Variants in DLG2 observed in about 807,000 individuals in gnomAD.
DLG2 encodes the protein disks large homolog 2.
A neutral mutation model predicts 132.5 loss-of-function variants in DLG2; 45 were observed. The ratio of observed to expected loss-of-function variants is 0.34; its 90% CI spans 0.27 to 0.44. The LOEUF is 0.44. Among genes scored for constraint, DLG2 ranks in the 20% least tolerant of loss-of-function variants. DLG2 has a pLI of 1.00. For missense variants in DLG2, 1,045 were observed against 1,196.9 expected (o/e 0.87, Z 1.87); for synonymous variants, 424 against 419.6 (o/e 1.01, Z -0.13).
intron 7 of DLG2, among the ~76,000 whole-genome samples, chr11:84,314,349 G>C (rs1039168188): frequency 6.6e-6 from 1 of 152,156 alleles, no homozygotes; most frequent in South Asian, 2.1e-4. Context: ...AATTTAAGGG[G>C]TAAAAAGTAG....
intron 6 of DLG2, among the ~76,000 whole-genome samples, chr11:84,994,233 T>A (rs561306902): frequency 6.6e-6 from 1 of 152,184 alleles, no homozygotes; most frequent in Non-Finnish European, 1.5e-5. Flanking sequence ...TCTCTCCAGC[T>A]CTACTCATCT....
At chr11:85,358,973 A>G (rs2083942700) in intron 3 of DLG2, among the ~76,000 whole-genome samples, 1 of 152,164 alleles carries the variant, frequency 6.6e-6, no homozygotes, top group Admixed American at 6.6e-5. Context: ...CGCTTTATCT[A>G]AATTTATACT....
intron 11 of DLG2, among the ~76,000 whole-genome samples, chr11:84,050,321 T>C (rs1258277525): frequency 2.6e-5 from 4 of 151,968 alleles, no homozygotes. Context: ...AAATGTCTTC[T>C]TTTGAGAAGT....
intron 12 of DLG2, among the ~76,000 whole-genome samples, chr11:83,971,237 G>A (rs968746159): frequency 2.0e-5 from 3 of 152,096 alleles, no homozygotes; most frequent in Admixed American, 2.0e-4. Context: ...TCTGTGGGGT[G>A]CACCACACAG....
At chr11:83,647,458 T>A (rs1358165796) in intron 18 of DLG2, 2 of 152,192 alleles carry the variant, frequency 1.3e-5, no homozygotes, top group Non-Finnish European at 2.9e-5. Context: ...AATTTGAAGC[T>A]ATAGCTGCTC....
At chr11:84,207,927 TAAA>T (rs1314900268) in intron 8 of DLG2, among the ~76,000 whole-genome samples, 1 of 152,176 alleles carries the variant, frequency 6.6e-6, no homozygotes, top group Non-Finnish European at 1.5e-5. Context: ...AAATAAATAA[TAAA>T]AAAGTAAATA....
chr11:84,560,702 G>GC (rs1452673555), intron 6 of DLG2, among the ~76,000 whole-genome samples: 2 of 152,012 alleles, frequency 1.3e-5, no homozygotes, highest in African/African-American at 4.8e-5. Flanking sequence ...ACTACTATGA[G>GC]CTTTTAAGTT....
At chr11:84,765,968 T>C (rs529623796) in intron 6 of DLG2, among the ~76,000 whole-genome samples, 2 of 152,164 alleles carry the variant, frequency 1.3e-5, no homozygotes, top group African/African-American at 2.4e-5. Flanking sequence ...CTGTACACTC[T>C]CTGAAAGCAC....
chr11:83,880,594 C>T (rs2065952885), intron 15 of DLG2, among the ~76,000 whole-genome samples: 2 of 152,108 alleles, frequency 1.3e-5, no homozygotes, highest in African/African-American at 4.8e-5. Context: ...CAAAAATAGA[C>T]AGACTCTGGT....
chr11:84,188,296 A>G lies in DLG2; in HGVS notation c.574-24785T>C, dbSNP rs138633151. 5.3e-5 allele frequency among the ~76,000 whole-genome samples: 8 copies of G among 152,266 alleles called. 1 individual carries two copies. Among genetic ancestry groups the G allele is most frequent in the African/African-American group, 1.9e-4 (8 of 41,580 alleles). ...AAATCTGAATTTTAGGAAACTAACA[A>G]TTTGGAATTTATTTTTAACCTCTCA... On this transcript the variant is annotated intron_variant, in intron 8 of 27. Transcript: ENST00000376104.
At chr11:84,830,103 T>C (rs906114890) in intron 6 of DLG2, among the ~76,000 whole-genome samples, 15 of 151,678 alleles carry the variant, frequency 9.9e-5, no homozygotes, top group African/African-American at 3.6e-4. Context: ...TCAGAGCTTT[T>C]ACATGTTACA....
intron 8 of DLG2, among the ~76,000 whole-genome samples, chr11:84,167,663 A>G (rs1425725236): frequency 6.7e-6 from 1 of 148,228 alleles, no homozygotes; most frequent in Non-Finnish European, 1.5e-5. Flanking sequence ...AAACTCCAAA[A>G]TGAATAATTT....
intron 7 of DLG2, among the ~76,000 whole-genome samples, chr11:84,357,920 T>C (rs899985530): frequency 6.6e-6 from 1 of 151,960 alleles, no homozygotes; most frequent in Non-Finnish European, 1.5e-5. Context: ...TTTCTAGAAG[T>C]TGGCCACATC....
intron 18 of DLG2, among the ~76,000 whole-genome samples, chr11:83,680,633 C>A (rs913610739): frequency 4.6e-5 from 7 of 152,172 alleles, no homozygotes; most frequent in Non-Finnish European, 7.4e-5. Flanking sequence ...ATACATCACT[C>A]CTCTGCTCTT....
At chr11:85,605,454 T>C (rs1272288905) in intron 2 of DLG2, among the ~76,000 whole-genome samples, 1 of 152,232 alleles carries the variant, frequency 6.6e-6, no homozygotes, top group East Asian at 1.9e-4. Context: ...TTAATTTGTA[T>C]TTGTAACATA....
chr11:84,217,733 T>C (rs2096855224), intron 8 of DLG2, among the ~76,000 whole-genome samples: 1 of 152,210 alleles, frequency 6.6e-6, no homozygotes, highest in African/African-American at 2.4e-5. Context: ...AAAGTGCTAA[T>C]GTTCATTGTG....
At chr11:84,746,731 G>A (rs1007408108) in intron 6 of DLG2, among the ~76,000 whole-genome samples, 2 of 152,174 alleles carry the variant, frequency 1.3e-5, no homozygotes, top group Non-Finnish European at 2.9e-5. Flanking sequence ...AATTCAAACT[G>A]CTTAAACAAT....
intron 3 of DLG2, among the ~76,000 whole-genome samples, chr11:85,320,586 G>T (rs970441650): frequency 3.3e-5 from 5 of 151,908 alleles, no homozygotes; most frequent in African/African-American, 1.2e-4. Flanking sequence ...GTCAGGTAGT[G>T]ACAAGTGCTC....
Position 84,438,846 on chromosome 11 carries a change from C to T in DLG2, c.519+95724G>A, listed in dbSNP as rs551670111. 1.5e-3 allele frequency among the ~76,000 whole-genome samples: 236 copies of T among 152,286 alleles called. 2 individuals carry two copies. Among genetic ancestry groups the T allele is most frequent in the African/African-American group, 5.3e-3 (222 of 41,562 alleles). On this transcript the variant is annotated intron_variant, in intron 7 of 27. Transcript: ENST00000376104. ...AGTAAATGTTTTCCAGCTGATCTGA[C>T]AGAAGTGCCCTATGAGCAATGAAGA...
Sources: gnomAD v4.1 joint callset for allele counts (sites outside exome capture counted in the v4.1 genomes callset) on GRCh38, gnomAD v4.1.1 for gene constraint, MANE v1.5 for transcripts, NCBI Gene and HGNC (gene_info 2026-07-23, HGNC 2026-07-21) for gene names.